The following HEMK2 variants were observed in gnomAD, a reference collection of about 807,000 sequenced individuals.
The protein encoded by HEMK2 is HemK methyltransferase 2, ETF1 glutamine and histone H4 lysine.
chr21:28,816,619 C>T, the HEMK2 span, among the ~76,000 whole-genome samples: 2 of 152,060 alleles, frequency 1.3e-5, no homozygotes, highest in East Asian at 1.9e-4. Context: ...AGTTGGAGCC[C>T]GCACTGAAAT....
the HEMK2 span, among the ~76,000 whole-genome samples, chr21:28,680,863 A>C: frequency 2.0e-5 from 3 of 152,218 alleles, no homozygotes; most frequent in Non-Finnish European, 1.5e-5. Context: ...CCTTCATGCT[A>C]AAAACTCTCA....
the HEMK2 span, among the ~76,000 whole-genome samples, chr21:28,856,523 G>A: frequency 6.6e-6 from 1 of 152,162 alleles, no homozygotes; most frequent in Non-Finnish European, 1.5e-5. Context: ...AGCAGCTGCA[G>A]TCTGCACCTC....
the HEMK2 span, among the ~76,000 whole-genome samples, chr21:28,863,460 A>G: frequency 1.8e-3 from 142 of 77,730 alleles, no homozygotes; most frequent in Non-Finnish European, 3.2e-3. Flanking sequence ...ATATATATAT[A>G]TATATATATA....
chr21:28,739,915 C>A, the HEMK2 span, among the ~76,000 whole-genome samples: 4 of 152,100 alleles, frequency 2.6e-5, no homozygotes, highest in Admixed American at 6.6e-5. Context: ...TCCCGAAAGA[C>A]CTCTATGGAG....
the HEMK2 span, among the ~76,000 whole-genome samples, chr21:28,722,260 G>A: frequency 9.5e-3 from 1,442 of 152,104 alleles, 12 homozygotes; most frequent in Middle Eastern, 0.024. Flanking sequence ...AGGGGGATTT[G>A]GGGATAAATA....
the HEMK2 span, among the ~76,000 whole-genome samples, chr21:28,800,505 C>CAT: frequency 6.6e-6 from 1 of 151,940 alleles, no homozygotes; most frequent in Admixed American, 6.6e-5. Flanking sequence ...AATGCATGTA[C>CAT]ATATATATGC....
the HEMK2 span, among the ~76,000 whole-genome samples, chr21:28,619,557 T>G: frequency 6.6e-6 from 1 of 152,206 alleles, no homozygotes; most frequent in African/African-American, 2.4e-5. Flanking sequence ...AATAAACTGG[T>G]AAAACAGCTC....
At chr21:28,594,262 G>A in the HEMK2 span, among the ~76,000 whole-genome samples, 1 of 152,122 alleles carries the variant, frequency 6.6e-6, no homozygotes, top group African/African-American at 2.4e-5. Flanking sequence ...AAAACTTAAC[G>A]TGATATCATG....
At chr21:28,688,986 A>G in the HEMK2 span, among the ~76,000 whole-genome samples, 1 of 152,324 alleles carries the variant, frequency 6.6e-6, no homozygotes, top group Non-Finnish European at 1.5e-5. Context: ...TCTGCAACAG[A>G]GACAATATGG....
chr21:28,608,477 C>A, the HEMK2 span, among the ~76,000 whole-genome samples: 1 of 151,720 alleles, frequency 6.6e-6, no homozygotes, highest in Admixed American at 6.6e-5. Context: ...ATGGACAGAG[C>A]AGCATATGGA....
At chr21:28,704,136 C>T in the HEMK2 span, among the ~76,000 whole-genome samples, 4 of 152,276 alleles carry the variant, frequency 2.6e-5, no homozygotes, top group Admixed American at 6.5e-5. Context: ...AGCACCTTCT[C>T]GTGCCTTGAA....
chr21:28,732,201 G>A, the HEMK2 span, among the ~76,000 whole-genome samples: 1 of 152,232 alleles, frequency 6.6e-6, no homozygotes, highest in South Asian at 2.1e-4. Flanking sequence ...AGAATGCCCA[G>A]GGACTATCGT....
the HEMK2 span, among the ~76,000 whole-genome samples, chr21:28,597,946 T>C: frequency 6.6e-6 from 1 of 152,200 alleles, no homozygotes; most frequent in East Asian, 1.9e-4. Context: ...ATTTTTGCCA[T>C]TGGGATAGGA....
At chr21:28,716,763 T>C in the HEMK2 span, among the ~76,000 whole-genome samples, 4 of 152,202 alleles carry the variant, frequency 2.6e-5, no homozygotes, top group East Asian at 1.9e-4. Flanking sequence ...ACAACTCTTA[T>C]TGTTTTGTGG....
chr21:28,597,558 G>T, the HEMK2 span, among the ~76,000 whole-genome samples: 1 of 152,214 alleles, frequency 6.6e-6, no homozygotes. Flanking sequence ...TTTCTGTCAT[G>T]ATGCTATATG....
chr21:28,819,308 G>T, the HEMK2 span, among the ~76,000 whole-genome samples: 1 of 147,030 alleles, frequency 6.8e-6, no homozygotes, highest in African/African-American at 2.5e-5. Context: ...AAAAAAAAAG[G>T]CCCTGGTCAT....
the HEMK2 span, among the ~76,000 whole-genome samples, chr21:28,607,695 G>C: frequency 6.6e-6 from 1 of 152,288 alleles, no homozygotes; most frequent in East Asian, 1.9e-4. Context: ...TAACCACTAT[G>C]CATATTACCT....
chr21:28,832,596 C>T, the HEMK2 span, among the ~76,000 whole-genome samples: 1 of 152,170 alleles, frequency 6.6e-6, no homozygotes, highest in Non-Finnish European at 1.5e-5. Flanking sequence ...GATCTAGCTC[C>T]TCCTGTATTC....
the HEMK2 span, chr21:28,885,109 G>A: frequency 7.1e-7 from 1 of 1,407,290 alleles, no homozygotes; most frequent in South Asian, 1.6e-5. Context: ...GACCCCGCCT[G>A]CTCCGGCTCA....
Sources: gnomAD v4.1 joint callset for allele counts (sites outside exome capture counted in the v4.1 genomes callset) on GRCh38, gnomAD v4.1.1 for gene constraint, MANE v1.5 for transcripts, NCBI Gene and HGNC (gene_info 2026-07-23, HGNC 2026-07-21) for gene names.